The following UBE3A variants were observed in gnomAD, a reference collection of about 807,000 sequenced individuals.
UBE3A encodes the protein ubiquitin-protein ligase E3A.
In UBE3A, 6 loss-of-function variants were observed where a neutral mutation model predicts 83.4. The observed-to-expected ratio is 0.07, with a 90% CI of 0.04 to 0.14. The LOEUF (loss-of-function observed/expected upper bound fraction) is 0.14. Among genes scored for constraint, UBE3A ranks in the 10% least tolerant of loss-of-function variants. The probability of loss-of-function intolerance (pLI) is 1.00; values close to 1 mark genes in which losing one functional copy is unlikely to be tolerated. For missense variants in UBE3A, 456 were observed against 1,036.1 expected, an observed-to-expected ratio of 0.44 and a Z score of 7.69; for synonymous variants, 337 against 355.4, an observed-to-expected ratio of 0.95 and a Z score of 0.58.
intron 6 of UBE3A, among the ~76,000 whole-genome samples, chr15:25,367,210 T>C (rs992517439): frequency 5.4e-5 from 5 of 93,094 alleles, no homozygotes; most frequent in African/African-American, 5.1e-4. Context: ...TATTTGTAAA[T>C]ATGTAAATAT....
intron 11 of UBE3A, among the ~76,000 whole-genome samples, chr15:25,350,304 A>C (rs1360645101): frequency 2.6e-5 from 4 of 151,750 alleles, no homozygotes; most frequent in Admixed American, 2.6e-4. Context: ...CTCTTTAAAA[A>C]AAAAAAAACC....
intron 4 of UBE3A, among the ~76,000 whole-genome samples, chr15:25,400,668 C>T (rs1336006461): frequency 6.6e-6 from 1 of 152,100 alleles, no homozygotes; most frequent in Admixed American, 6.5e-5. Flanking sequence ...TTATATCTTA[C>T]AACTTTACTG....
intron 3 of UBE3A, chr15:25,407,278 C>G: frequency 9.5e-7 from 1 of 1,055,420 alleles, no homozygotes; most frequent in Non-Finnish European, 1.2e-6. Context: ...GGAAGAGAGG[C>G]AGATTAGAAG....
intron 6 of UBE3A, among the ~76,000 whole-genome samples, chr15:25,362,897 T>TG (rs953607978): frequency 8.6e-5 from 13 of 151,960 alleles, no homozygotes; most frequent in African/African-American, 3.1e-4. Context: ...TATTCCAAAG[T>TG]GGGGAAAAAA....
At chr15:25,405,440 T>G in intron 4 of UBE3A, 21 bp downstream of exon 4, 1 of 1,613,692 alleles carries the variant, frequency 6.2e-7, no homozygotes, top group East Asian at 2.2e-5. Flanking sequence ...AGAACCACAG[T>G]CTCAACCAAG....
intron 4 of UBE3A, 48 bp downstream of exon 4, chr15:25,405,413 T>C (rs1417187492): frequency 1.3e-6 from 2 of 1,595,618 alleles, no homozygotes; most frequent in Non-Finnish European, 1.7e-6. Context: ...TAAAGCAGTC[T>C]AGGGCAACTC....
In UBE3A at chr15:25,398,814, T is replaced by A. The variant is rs1208346782; in HGVS notation, c.62+6647A>T. Among the ~76,000 whole-genome samples the A allele has an allele frequency of 1.8e-3, 109 of 59,280 alleles. 2 individuals are homozygous for A. The highest frequency in any genetic ancestry group is 4.4e-3 in the African/African-American group (105 of 23,764). The allele number at this position is 59,280 out of a possible 152,430, so 38.9% of individuals were successfully genotyped here. ...ATATATATATATATATATATATATA[T>A]AAAAATACATATATATCCAAGTGTG... On this transcript the variant is annotated intron_variant, in intron 4 of 12. Transcript: ENST00000648336.
Position 25,340,237 on chromosome 15 carries a change from A to G in UBE3A, c.2355-9T>C, listed in dbSNP as rs2074513920. 6.2e-7 allele frequency: 1 copy of G among 1,611,558 alleles called. No individual in the cohort carries two copies. Among genetic ancestry groups the G allele is most frequent in the African/African-American group, 1.3e-5 (1 of 74,912 alleles). ...CGATTTCCCAGAACTCCCTAATGAG[A>G]AAAAATACAATACTGGTTTCAGTTT... On this transcript the variant is annotated splice_polypyrimidine_tract_variant and intron_variant, in intron 11 of 12. Transcript: ENST00000648336.
chr15:25,366,479 C>T (rs2079121264), intron 6 of UBE3A, among the ~76,000 whole-genome samples: 1 of 152,138 alleles, frequency 6.6e-6, no homozygotes, highest in African/African-American at 2.4e-5. Flanking sequence ...GCAGAACCTC[C>T]TGGTAGTGGG....
chr15:25,377,151 T>C (rs2081355032), intron 4 of UBE3A, among the ~76,000 whole-genome samples: 1 of 152,194 alleles, frequency 6.6e-6, no homozygotes, highest in Non-Finnish European at 1.5e-5. Context: ...AGAGTTTACA[T>C]CTTGCTAATC....
Position 25,356,059 on chromosome 15 carries a change from A to G in UBE3A, c.1960-3T>C, listed in dbSNP as rs2152694197. 6.2e-7 allele frequency: 1 copy of G among 1,613,712 alleles called. No individual in the cohort carries two copies. Among genetic ancestry groups the G allele is most frequent in the East Asian group, 2.2e-5 (1 of 44,762 alleles). On this transcript the variant is annotated splice_region_variant and splice_polypyrimidine_tract_variant and intron_variant, in intron 8 of 12. Coordinates refer to ENST00000648336, the MANE Select transcript of UBE3A (RefSeq NM_130839.5). ...TCTTTTAAACTCTGATATAGAACCT[A>G]GCAACCAGAAATGGTAAATTGAGGC...
intron 4 of UBE3A, among the ~76,000 whole-genome samples, chr15:25,396,836 A>C (rs1428785380): frequency 6.6e-6 from 1 of 152,166 alleles, no homozygotes; most frequent in East Asian, 1.9e-4. Flanking sequence ...GGCAACACTA[A>C]GAATTCCTAA....
chr15:25,415,849 G>GGA (rs1305564349), intron 1 of UBE3A: 6 of 111,188 alleles, frequency 5.4e-5, no homozygotes, highest in African/African-American at 2.1e-4. Flanking sequence ...CCCTCTACAA[G>GGA]AAAAAAAAAA....
intron 4 of UBE3A, among the ~76,000 whole-genome samples, chr15:25,402,264 G>A (rs1306830664): frequency 6.6e-6 from 1 of 152,162 alleles, no homozygotes; most frequent in Non-Finnish European, 1.5e-5. Flanking sequence ...CTGGAGTCTG[G>A]GTCAGCAGGG....
chr15:25,381,647 A>C (rs1397794941), intron 4 of UBE3A, among the ~76,000 whole-genome samples: 1 of 152,228 alleles, frequency 6.6e-6, no homozygotes, highest in Admixed American at 6.5e-5. Context: ...AAAGCTAGGA[A>C]CCACTGCTTA....
rs1566887391 is a variant in UBE3A, at chr15:25,354,384, C to T, written c.2323G>A (p.Gly775Ser). 3 of 1,613,710 alleles carry T rather than the reference C, an allele frequency of 1.9e-6. No homozygotes were observed. Among genetic ancestry groups the T allele is most frequent in the Non-Finnish European group, 2.5e-6 (3 of 1,179,874 alleles). ...QALEETTEYD[G>S]GYTRDSVLIR... ...AGAACAGAGTCCCTGGTATAGCCAC[C>T]GTCATATTCTGTAGTTTCTTCTAGT... is the stretch of plus-strand genomic sequence containing the variant. Residue 775 changes from glycine to serine, a missense_variant, in exon 11 of 13, where the codon GGT becomes AGT. This residue lies in a region of UBE3A where 82 missense variants were observed against 199.3 expected (regional missense o/e 0.41). Transcript: ENST00000648336.
intron 11 of UBE3A, among the ~76,000 whole-genome samples, chr15:25,349,476 A>G (rs1013394449): frequency 1.4e-5 from 2 of 138,008 alleles, no homozygotes; most frequent in South Asian, 4.1e-4. Flanking sequence ...AAATAATCAT[A>G]AACTACTTAT....
Position 25,431,283 on chromosome 15 carries a change from A to G in UBE3A, c.-165+7206T>C, listed in dbSNP as rs1178652996. Among the ~76,000 whole-genome samples, 3 of 152,214 alleles carry G rather than the reference A, an allele frequency of 2.0e-5. No individual in the cohort carries two copies. In the East Asian group the frequency reaches 5.8e-4, roughly 29 times the overall value. On this transcript the variant is annotated intron_variant, in intron 1 of 12. Coordinates refer to ENST00000648336, the MANE Select transcript of UBE3A (RefSeq NM_130839.5). ...GAATGAGAATGAAGCAGCTTAAGTA[A>G]TTAGGAAAACTTTACACTTCTTAGA... is the stretch of plus-strand genomic sequence containing the variant.
intron 6 of UBE3A, among the ~76,000 whole-genome samples, chr15:25,369,358 AAAAAC>A (rs1232939171): frequency 3.3e-5 from 5 of 150,344 alleles, no homozygotes; most frequent in African/African-American, 1.2e-4. Flanking sequence ...ATTAAAAAAA[AAAAAC>A]AAACCAGTAA....
Sources: allele counts gnomAD v4.1 joint callset (sites outside exome capture counted in the v4.1 genomes callset), GRCh38; gene constraint gnomAD v4.1.1; regional missense constraint gnomAD v4.1.1; transcripts MANE v1.5; gene names NCBI Gene and HGNC (gene_info 2026-07-23, HGNC 2026-07-21).